PACSIN2: variants seen among roughly 807,000 people sequenced by gnomAD.
PACSIN2 encodes protein kinase C and casein kinase substrate in neurons protein 2.
PACSIN2 carries 25 observed loss-of-function variants against 63.8 expected under a neutral mutation model. That is an observed-to-expected ratio of 0.39 (90% CI 0.29 to 0.55). The LOEUF is 0.55. Among genes scored for constraint, PACSIN2 ranks in the 20% least tolerant of loss-of-function variants. PACSIN2 has a pLI of 0.62. For synonymous variants in PACSIN2, 255 were observed against 256.2 expected, an observed-to-expected ratio of 1.00 and a Z score of 0.05; for missense variants, 518 against 646.9, an observed-to-expected ratio of 0.80 and a Z score of 2.16.
chr22:43,009,573 T>A (rs951123220), intron 1 of PACSIN2, among the ~76,000 whole-genome samples: 1 of 152,214 alleles, frequency 6.6e-6, no homozygotes, highest in Non-Finnish European at 1.5e-5. Flanking sequence ...TTTACAAATA[T>A]GAAAACTGAG....
intron 2 of PACSIN2, among the ~76,000 whole-genome samples, chr22:42,901,784 C>T (rs1474097571): frequency 2.6e-5 from 4 of 152,148 alleles, no homozygotes; most frequent in Admixed American, 1.3e-4. Flanking sequence ...TGGTTGAAGA[C>T]GATGTTGGTG....
chr22:42,990,194 C>T (rs540270337), intron 1 of PACSIN2, among the ~76,000 whole-genome samples: 6 of 152,064 alleles, frequency 3.9e-5, no homozygotes, highest in South Asian at 2.1e-4. Flanking sequence ...AGTCAGTCAA[C>T]GTGACTTTCC....
intron 2 of PACSIN2, among the ~76,000 whole-genome samples, chr22:42,894,782 T>C (rs1234132420): frequency 6.6e-6 from 1 of 152,254 alleles, no homozygotes. Flanking sequence ...GCTGATAACT[T>C]GAGCACCCAG....
At chr22:43,010,659 A>AAG (rs1284750546) in intron 1 of PACSIN2, among the ~76,000 whole-genome samples, 2 of 152,144 alleles carry the variant, frequency 1.3e-5, no homozygotes, top group African/African-American at 4.8e-5. Context: ...GCAGTGAGCC[A>AAG]AGATCACACC....
At chr22:42,877,054 GC>G (rs1422985743) in intron 8 of PACSIN2, 44 bp from the exon 9 acceptor site, 1 of 1,607,018 alleles carries the variant, frequency 6.2e-7, no homozygotes, top group Admixed American at 1.7e-5. Context: ...CTCTGCAGGG[GC>G]CCGTGAGGGT....
intron 1 of PACSIN2, among the ~76,000 whole-genome samples, chr22:43,000,721 A>G (rs1333707930): frequency 1.3e-5 from 2 of 152,238 alleles, no homozygotes. Flanking sequence ...AAGACTAAGA[A>G]GAAAAGAAAT....
intron 1 of PACSIN2, among the ~76,000 whole-genome samples, chr22:42,916,472 C>T (rs1601514751): frequency 6.6e-6 from 1 of 152,148 alleles, no homozygotes; most frequent in African/African-American, 2.4e-5. Context: ...TCAATGACAA[C>T]TCCCAAGTCC....
intron 1 of PACSIN2, among the ~76,000 whole-genome samples, chr22:43,007,457 C>A (rs1034821778): frequency 6.6e-6 from 1 of 152,132 alleles, no homozygotes; most frequent in African/African-American, 2.4e-5. Context: ...CTCAAGTGAT[C>A]CGCCCACCTC....
intron 6 of PACSIN2, among the ~76,000 whole-genome samples, chr22:42,883,493 C>G (rs1277761826): frequency 6.6e-6 from 1 of 152,256 alleles, no homozygotes; most frequent in Non-Finnish European, 1.5e-5. Context: ...GCTGGGACCT[C>G]TGCCCTGGTG....
intron 1 of PACSIN2, among the ~76,000 whole-genome samples, chr22:42,986,345 C>A (rs182161696): frequency 6.6e-6 from 1 of 152,276 alleles, no homozygotes; most frequent in Admixed American, 6.5e-5. Context: ...AAAAGCGCAG[C>A]GGCCCCCAAA....
At chr22:42,897,627 T>C (rs910649412) in intron 2 of PACSIN2, among the ~76,000 whole-genome samples, 1 of 152,212 alleles carries the variant, frequency 6.6e-6, no homozygotes, top group Non-Finnish European at 1.5e-5. Flanking sequence ...TCAGCATACA[T>C]GTGCCTGGAC....
intron 2 of PACSIN2, 144 bp downstream of exon 2, chr22:42,911,877 T>C (rs767014513): frequency 9.6e-6 from 6 of 626,696 alleles, no homozygotes; most frequent in Admixed American, 6.8e-5. Context: ...CCTTTTCTGC[T>C]GCTATCTAGG....
intron 1 of PACSIN2, among the ~76,000 whole-genome samples, chr22:42,939,064 C>T (rs569960656): frequency 2.7e-4 from 41 of 152,314 alleles, no homozygotes; most frequent in South Asian, 8.3e-4. Flanking sequence ...AAAGGTAGGA[C>T]AGGCCCCAAG....
At chr22:42,878,072 C>T (rs1011607075) in intron 8 of PACSIN2, among the ~76,000 whole-genome samples, 17 of 152,354 alleles carry the variant, frequency 1.1e-4, no homozygotes, top group African/African-American at 4.1e-4. Context: ...GGCCCTCCTC[C>T]CTCCTTGGCA....
At chr22:42,983,960 A>T (rs1170183227) in intron 1 of PACSIN2, among the ~76,000 whole-genome samples, 1 of 136,808 alleles carries the variant, frequency 7.3e-6, no homozygotes, top group Non-Finnish European at 1.5e-5. Flanking sequence ...CACAGCACTT[A>T]GCACTTTTTT....
intron 1 of PACSIN2, among the ~76,000 whole-genome samples, chr22:42,935,585 G>A (rs1385166402): frequency 6.6e-6 from 1 of 152,174 alleles, no homozygotes; most frequent in Non-Finnish European, 1.5e-5. Flanking sequence ...TCAATCTTTT[G>A]CAACACAAAT....
At chr22:43,004,581 G>A (rs1923971368) in intron 1 of PACSIN2, among the ~76,000 whole-genome samples, 1 of 152,176 alleles carries the variant, frequency 6.6e-6, no homozygotes, top group Non-Finnish European at 1.5e-5. Context: ...TGGTTCCTCT[G>A]AAGACCACAA....
chr22:42,979,432 G>A (rs1457330242), intron 1 of PACSIN2, among the ~76,000 whole-genome samples: 2 of 147,956 alleles, frequency 1.4e-5, no homozygotes, highest in Non-Finnish European at 3.0e-5. Flanking sequence ...GCTGAGGCAT[G>A]GGAATCACTT....
intron 1 of PACSIN2, among the ~76,000 whole-genome samples, chr22:42,921,791 T>C (rs1015224468): frequency 2.0e-5 from 3 of 151,408 alleles, no homozygotes; most frequent in Non-Finnish European, 4.4e-5. Flanking sequence ...CAGGCTGGAG[T>C]GCAGTGGCGC....
Sources: gnomAD v4.1 joint callset for allele counts (sites outside exome capture counted in the v4.1 genomes callset) on GRCh38, gnomAD v4.1.1 for gene constraint, MANE v1.5 for transcripts, NCBI Gene and HGNC (gene_info 2026-07-23, HGNC 2026-07-21) for gene names.